SLC5A4: variants seen among roughly 807,000 people sequenced by gnomAD.
SLC5A4 encodes solute carrier family 5 member 4.
Under a neutral mutation model 70.3 loss-of-function variants are expected in SLC5A4, and 55 were observed. That is an observed-to-expected ratio of 0.78 (90% CI 0.63 to 0.98). SLC5A4 has a LOEUF of 0.98. Ranked by LOEUF, SLC5A4 falls within the 50% of genes least tolerant of loss-of-function variation. SLC5A4 has a pLI of 0.00. For synonymous variants in SLC5A4, 268 were observed against 305.7 expected, an observed-to-expected ratio of 0.88 and a Z score of 1.29; for missense variants, 735 against 839.2, an observed-to-expected ratio of 0.88 and a Z score of 1.53.
chr22:32,301,839 G>A, the SLC5A4 span, among the ~76,000 whole-genome samples: 1 of 61,944 alleles, frequency 1.6e-5, no homozygotes, highest in Non-Finnish European at 2.9e-5. Flanking sequence ...ATAATTTAAA[G>A]TACAAAAAAA....
At chr22:32,344,776 A>G in the SLC5A4 span, among the ~76,000 whole-genome samples, 2 of 152,192 alleles carry the variant, frequency 1.3e-5, no homozygotes, top group African/African-American at 4.8e-5. Context: ...AACAAACTTC[A>G]TAATTTTATA....
chr22:32,262,897 G>C, the SLC5A4 span, among the ~76,000 whole-genome samples: 42 of 152,018 alleles, frequency 2.8e-4, no homozygotes, highest in South Asian at 8.5e-3. Context: ...AGCCTCGCGA[G>C]TAGCTGGGAC....
the SLC5A4 span, among the ~76,000 whole-genome samples, chr22:32,289,627 T>C: frequency 6.6e-6 from 1 of 152,208 alleles, no homozygotes; most frequent in Non-Finnish European, 1.5e-5. Flanking sequence ...TGCCACCATG[T>C]GCCACCTTGT....
At chr22:32,345,715 G>C in the SLC5A4 span, among the ~76,000 whole-genome samples, 1 of 152,252 alleles carries the variant, frequency 6.6e-6, no homozygotes, top group East Asian at 1.9e-4. Flanking sequence ...TCCCATCACT[G>C]TACACAGAAA....
At chr22:32,275,142 G>A in the SLC5A4 span, among the ~76,000 whole-genome samples, 2 of 152,188 alleles carry the variant, frequency 1.3e-5, no homozygotes. Flanking sequence ...TGTGGATGCT[G>A]GAGATACAAA....
At chr22:32,343,941 C>T in the SLC5A4 span, among the ~76,000 whole-genome samples, 25 of 152,122 alleles carry the variant, frequency 1.6e-4, no homozygotes, top group African/African-American at 6.0e-4. Context: ...TATATCTCCA[C>T]CCACATCTTA....
chr22:32,294,127 G>A, the SLC5A4 span, among the ~76,000 whole-genome samples: 2 of 151,830 alleles, frequency 1.3e-5, no homozygotes, highest in South Asian at 4.2e-4. Context: ...AAAATTCTTA[G>A]CCTTTTATCT....
chr22:32,319,133 G>A, the SLC5A4 span, among the ~76,000 whole-genome samples: 3 of 152,202 alleles, frequency 2.0e-5, no homozygotes, highest in African/African-American at 7.2e-5. Flanking sequence ...TAGACTCAGG[G>A]TGGGACTGAA....
the SLC5A4 span, among the ~76,000 whole-genome samples, chr22:32,290,710 C>G: frequency 6.6e-6 from 1 of 152,114 alleles, no homozygotes; most frequent in Non-Finnish European, 1.5e-5. Context: ...AAGACTCGCT[C>G]TCTGCCTCCA....
intron 5 of SLC5A4, among the ~76,000 whole-genome samples, chr22:32,242,834 C>T (rs1926617065): frequency 6.6e-6 from 1 of 152,208 alleles, no homozygotes; most frequent in African/African-American, 2.4e-5. Context: ...CAGTAGCCTG[C>T]TGAATGCTGT....
At chr22:32,292,235 TATATATA>T in the SLC5A4 span, among the ~76,000 whole-genome samples, 2 of 59,520 alleles carry the variant, frequency 3.4e-5, 1 homozygote, top group Non-Finnish European at 5.7e-5. Flanking sequence ...CTATATATTA[TATATATA>T]ATATATACTA....
the SLC5A4 span, among the ~76,000 whole-genome samples, chr22:32,279,910 A>G: frequency 6.9e-6 from 1 of 144,244 alleles, no homozygotes; most frequent in Non-Finnish European, 1.5e-5. Flanking sequence ...GAAGGTGGGG[A>G]GGTGACCTGG....
chr22:32,347,851 A>G, the SLC5A4 span, among the ~76,000 whole-genome samples: 3 of 151,976 alleles, frequency 2.0e-5, no homozygotes, highest in African/African-American at 7.2e-5. Context: ...AACTTAAAGT[A>G]TAATAATAAT....
At chr22:32,338,752 T>A in the SLC5A4 span, among the ~76,000 whole-genome samples, 1 of 152,158 alleles carries the variant, frequency 6.6e-6, no homozygotes, top group Admixed American at 6.5e-5. Flanking sequence ...GCTGCCTCAC[T>A]CCACCAGCCC....
At position 32,231,071 on chromosome 22, in the gene SLC5A4, C is replaced by T. The variant is rs765589061; in HGVS notation, c.1026G>A (p.Met342Ile). The T allele has an allele frequency of 1.2e-6, 2 of 1,608,636 alleles. No individual in the cohort carries two copies. The highest frequency in any genetic ancestry group is 4.5e-5 in the East Asian group (2 of 44,858). ...GMISRILYTD[M>I]VACVVPSECV... is the part of the protein sequence containing the mutation. ...ATTCAGAAGGTACCACACATGCTAC[C>T]ATATCTGGGGAAGAATTCAGAAGTG... The change falls in exon 10 of 15, where the codon ATG (methionine) becomes ATA (isoleucine). Residue 342 changes from methionine (M) to isoleucine (I), a missense_variant. Coordinates refer to ENST00000266086, the MANE Select transcript of SLC5A4 (RefSeq NM_014227.3).
At chr22:32,240,974 A>G (rs1926476522) in intron 5 of SLC5A4, among the ~76,000 whole-genome samples, 2 of 152,268 alleles carry the variant, frequency 1.3e-5, no homozygotes, top group African/African-American at 4.8e-5. Flanking sequence ...GTGAACTTCC[A>G]TGAATCTCTA....
chr22:32,272,135 G>C, the SLC5A4 span: 1 of 685,422 alleles, frequency 1.5e-6, no homozygotes, highest in East Asian at 2.6e-5. Flanking sequence ...AAGGAGACCA[G>C]GTCAGGCTTC....
Position 32,250,240 on chromosome 22 carries a change from G to A in SLC5A4, c.313-1438C>T, listed in dbSNP as rs145410914. 1.5e-3 allele frequency among the ~76,000 whole-genome samples: 235 copies of A among 152,342 alleles called. 1 individual carries two copies. Among genetic ancestry groups the A allele is most frequent in the Middle Eastern group, 6.8e-3 (2 of 294 alleles). ...GAAGGTCAAACAAGAGGTGGAGGCT[G>A]GGTGCAGTGACTCACACCTGTGATC... On this transcript the variant is annotated intron_variant, in intron 3 of 14. Transcript: ENST00000266086.
chr22:32,251,512 T>C lies in SLC5A4; in HGVS notation c.312+258A>G, dbSNP rs1018145583. Among the ~76,000 whole-genome samples the C allele has an allele frequency of 4.1e-5, 6 of 145,224 alleles. No individual in the cohort carries two copies. In the East Asian group the frequency reaches 5.9e-4, roughly 14 times the overall value. ...CTCTCTCTCTCTCATCCTCCATCCC[T>C]CTCTCTCTCTCTCTCTCTCTCTCGT... On this transcript the variant is annotated intron_variant, in intron 3 of 14. Transcript: ENST00000266086.
Sources: allele counts gnomAD v4.1 joint callset (sites outside exome capture counted in the v4.1 genomes callset), GRCh38; gene constraint gnomAD v4.1.1; transcripts MANE v1.5; gene names NCBI Gene and HGNC (gene_info 2026-07-23, HGNC 2026-07-21).